The following MAP3K15 variants were observed in gnomAD, a reference collection of about 807,000 sequenced individuals.
MAP3K15 encodes the protein MAPK/ERK kinase kinase 15.
Under a neutral mutation model 99.5 loss-of-function variants are expected in MAP3K15, and 124 were observed. The ratio of observed to expected loss-of-function variants is 1.25; its 90% CI spans 1.08 to 1.45. MAP3K15 has a LOEUF of 1.45. Among genes scored for constraint, MAP3K15 ranks in the 40% most tolerant of loss-of-function variants. The pLI is 0.00. For synonymous variants in MAP3K15, 494 were observed against 439.6 expected (o/e 1.12, Z -1.55); for missense variants, 1,242 against 1,079.7 (o/e 1.15, Z -2.11).
chrX:19,417,452 A>T (rs1395675631), intron 9 of MAP3K15, among the ~76,000 whole-genome samples: 1 of 112,001 alleles, frequency 8.9e-6, no homozygotes, highest in Non-Finnish European at 1.9e-5. Flanking sequence ...TTGCTAGCAC[A>T]GCAGTCTGAG....
At chrX:19,495,517 A>C (rs367712466) in intron 1 of MAP3K15, among the ~76,000 whole-genome samples, 34 of 110,398 alleles carry the variant, frequency 3.1e-4, no homozygotes, top group Non-Finnish European at 4.7e-4. Context: ...CCAGTATCAA[A>C]TTTTTTTGTA....
At position 19,456,819 on chromosome X, in the gene MAP3K15, G is replaced by A. The variant is rs936700558; in HGVS notation, c.995+94C>T. ...TCTTCATAACCTTGGCATTTAGCAC[G>A]TGACCTGGCTCATACCCGATGTTGA... On this transcript the variant is annotated intron_variant, in intron 6 of 28. Transcript: ENST00000338883. 2.2e-5 allele frequency: 13 copies of A among 603,022 alleles called. No individual in the cohort carries two copies. The South Asian group carries it at 2.2e-4, about 10-fold the overall frequency. The allele number at this position is 603,022 out of a possible 1,213,427, so 49.7% of individuals were successfully genotyped here.
intron 11 of MAP3K15, among the ~76,000 whole-genome samples, chrX:19,412,198 G>A (rs1187233181): frequency 8.9e-6 from 1 of 112,108 alleles, no homozygotes; most frequent in Non-Finnish European, 1.9e-5. Flanking sequence ...CCCAATGGCA[G>A]GTCTATTCCA....
chrX:19,445,949 A>AAAATAAATAAATAAATAAATAAAT (rs771171380), intron 6 of MAP3K15, among the ~76,000 whole-genome samples: 4 of 100,068 alleles, frequency 4.0e-5, no homozygotes, highest in Non-Finnish European at 7.9e-5. Context: ...CTCCATCTCA[A>AAAATAAATAAATAAATAAATAAAT]AAATCAATAA....
At chrX:19,395,672 C>T (rs2063563011) in intron 15 of MAP3K15, among the ~76,000 whole-genome samples, 1 of 111,582 alleles carries the variant, frequency 9.0e-6, no homozygotes, top group African/African-American at 3.3e-5. Context: ...CAGCCCCAGC[C>T]TCTGGCCTTT....
intron 19 of MAP3K15, among the ~76,000 whole-genome samples, chrX:19,379,863 T>C (rs755926790): frequency 1.1e-4 from 12 of 111,565 alleles, no homozygotes; most frequent in Non-Finnish European, 1.9e-4. Context: ...TGAGGACTAG[T>C]TACGGTTTCT....
intron 1 of MAP3K15, among the ~76,000 whole-genome samples, chrX:19,514,440 C>T (rs1016898125): frequency 1.1e-5 from 1 of 89,990 alleles, no homozygotes; most frequent in Non-Finnish European, 2.2e-5. Context: ...TGCCCGTGGC[C>T]TCTATTTTCT....
intron 5 of MAP3K15, among the ~76,000 whole-genome samples, chrX:19,459,402 C>A (rs1392860373): frequency 8.9e-6 from 1 of 112,512 alleles, no homozygotes; most frequent in Non-Finnish European, 1.9e-5. Context: ...AACTTAAATT[C>A]TTGGCTCCTT....
Position 19,385,605 on chromosome X carries a change from C to G in MAP3K15, c.2432-5328G>C, listed in dbSNP as rs146958329. Among the ~76,000 whole-genome samples, 321 of 111,352 alleles carry G rather than the reference C, an allele frequency of 2.9e-3. 1 individual carries two copies. The highest frequency in any genetic ancestry group is 9.2e-3 in the African/African-American group (281 of 30,632). On this transcript the variant is annotated intron_variant, in intron 18 of 28. Coordinates refer to ENST00000338883, the MANE Select transcript of MAP3K15 (RefSeq NM_001001671.4). ...TGGCTTACCAATTGTCTCCACATAGCCTTGTCCATCTGACTCAAACGACTC... is the reference window on the plus strand; with the variant it reads ...TGGCTTACCAATTGTCTCCACATAGGCTTGTCCATCTGACTCAAACGACTC...
chrX:19,453,456 C>T (rs1395362034), intron 6 of MAP3K15, among the ~76,000 whole-genome samples: 5 of 107,625 alleles, frequency 4.6e-5, no homozygotes, highest in Non-Finnish European at 7.7e-5. Context: ...GCCAAGATTA[C>T]GCCATTGCAC....
At chrX:19,443,009 C>T (rs1334348473) in intron 6 of MAP3K15, among the ~76,000 whole-genome samples, 2 of 92,133 alleles carry the variant, frequency 2.2e-5, no homozygotes, top group Admixed American at 2.5e-4. Context: ...CAGGCATGAG[C>T]CACCATGCCC....
chrX:19,470,546 T>A (rs868381994), intron 3 of MAP3K15, among the ~76,000 whole-genome samples: 12 of 97,324 alleles, frequency 1.2e-4, no homozygotes, highest in Non-Finnish European at 1.6e-4. Context: ...AAACTTAAAT[T>A]AAAAAAAAAA....
chrX:19,416,780 T>C (rs1011886667), intron 9 of MAP3K15, among the ~76,000 whole-genome samples: 2 of 112,060 alleles, frequency 1.8e-5, no homozygotes, highest in Admixed American at 1.9e-4. Context: ...ATGTTATTGG[T>C]AAGGCTTCCA....
Position 19,372,792 on chromosome X carries a change from C to T in MAP3K15, c.2969G>A (p.Gly990Asp), listed in dbSNP as rs773988009. The T allele has an allele frequency of 1.7e-5, 20 of 1,208,880 alleles. No homozygotes were observed. The East Asian group carries it at 2.4e-4, about 14-fold the overall frequency. ...PDESSALEDR[G>D]LASSPEDRDQ... is the part of the protein sequence containing the mutation. ...CCTGTCCTCCGGGGACGAGGCCAAGCCCCGGTCTTCCAAGGCTGAGCTCTC... is the reference window on the plus strand; with the variant it reads ...CCTGTCCTCCGGGGACGAGGCCAAGTCCCGGTCTTCCAAGGCTGAGCTCTC... The change falls in exon 22 of 29, where the codon GGC becomes GAC. Residue 990 changes from glycine to aspartate, a missense_variant. Gly to Asp is a moderately conservative substitution (Grantham distance 94). Coordinates refer to ENST00000338883, the MANE Select transcript of MAP3K15 (RefSeq NM_001001671.4).
intron 21 of MAP3K15, 108 bp from the exon 22 acceptor site, chrX:19,372,935 G>T: frequency 1.3e-6 from 1 of 743,026 alleles, no homozygotes; most frequent in Non-Finnish European, 2.0e-6. Context: ...CTGCGATGCA[G>T]TCCCTGTGCT....
chrX:19,396,155 C>T (rs891086764), intron 15 of MAP3K15, among the ~76,000 whole-genome samples: 3 of 111,811 alleles, frequency 2.7e-5, no homozygotes, highest in Non-Finnish European at 3.8e-5. Flanking sequence ...CTGCATTTGC[C>T]ACCGAACCAG....
chrX:19,380,119 C>T lies in MAP3K15; in HGVS notation c.2589+1G>A. 8.5e-7 allele frequency: 1 copy of T among 1,183,110 alleles called. No individual in the cohort carries two copies. The highest frequency in any genetic ancestry group is 1.1e-6 in the Non-Finnish European group (1 of 883,407). On this transcript the variant is annotated splice_donor_variant, in intron 19 of 28. Coordinates refer to ENST00000338883, the MANE Select transcript of MAP3K15 (RefSeq NM_001001671.4). LOFTEE classifies it high-confidence loss of function. ...AACCTCAATCACGAAGCATGACTTA[C>T]TTTGAACATGGCTGCCTGCGGCTCA...
chrX:19,396,381 GA>G (rs776590325), intron 15 of MAP3K15, among the ~76,000 whole-genome samples: 7 of 111,990 alleles, frequency 6.3e-5, no homozygotes, highest in Non-Finnish European at 1.3e-4. Context: ...CCAAATGAAG[GA>G]GATGGGACAT....
At chrX:19,507,168 C>T (rs748722073) in intron 1 of MAP3K15, among the ~76,000 whole-genome samples, 17 of 111,735 alleles carry the variant, frequency 1.5e-4, no homozygotes, top group Non-Finnish European at 2.8e-4. Context: ...GTAAACAAAA[C>T]GGTGTACTCC....
Sources: gnomAD v4.1 joint callset for allele counts (sites outside exome capture counted in the v4.1 genomes callset) on GRCh38, gnomAD v4.1.1 for gene constraint, MANE v1.5 for transcripts, NCBI Gene and HGNC (gene_info 2026-07-23, HGNC 2026-07-21) for gene names.